Variants in HDAC9 observed in about 807,000 individuals in gnomAD.
HDAC9 encodes the protein histone deacetylase 9.
Under a neutral mutation model 139.4 loss-of-function variants are expected in HDAC9, and 41 were observed. The ratio of observed to expected loss-of-function variants is 0.29; its 90% CI spans 0.23 to 0.38. The LOEUF is 0.38. Among genes scored for constraint, HDAC9 ranks in the 10% least tolerant of loss-of-function variants. The pLI is 1.00. For missense variants in HDAC9, 1,147 were observed against 1,297.0 expected, an observed-to-expected ratio of 0.88 and a Z score of 1.78; for synonymous variants, 517 against 476.2, an observed-to-expected ratio of 1.09 and a Z score of -1.12.
rs1402044427 is a variant in HDAC9 at position 18,666,327 on chromosome 7, A to G, written c.1582A>G (p.Asn528Asp). Residue 528 changes from asparagine (N) to aspartate (D), a missense_variant, in exon 12 of 26, where the codon AAC becomes GAC. Physicochemically the swap from Asn to Asp is conservative, Grantham distance 23. This residue lies in a region of HDAC9 where 256 missense variants were observed against 219.2 expected (regional missense o/e 1.17). Transcript: ENST00000686413. ...GGAAGACAGAGCGCCCTCTAGTGGC[A>G]ACAGCACTAGGAGCGACAGCAGTGC... ...MQEDRAPSSG[N>D]STRSDSSACV... The G allele has an allele frequency of 6.2e-7, 1 of 1,613,350 alleles. No homozygotes were observed. Among genetic ancestry groups the G allele is most frequent in the Non-Finnish European group, 8.5e-7 (1 of 1,179,636 alleles).
At chr7:18,086,932 C>G (rs558511458), upstream of HDAC9, 1 of 145,156 alleles carries the variant, frequency 6.9e-6, no homozygotes, top group African/African-American at 2.5e-5. Flanking sequence ...GCGGCGGCGG[C>G]GCGTCCCGCA....
At chr7:18,099,149 A>G (rs1161540836) in intron 1 of HDAC9, among the ~76,000 whole-genome samples, 1 of 152,140 alleles carries the variant, frequency 6.6e-6, no homozygotes, top group Non-Finnish European at 1.5e-5. Flanking sequence ...TTATAATGAA[A>G]CAGTAGTTTG....
chr7:18,801,348 A>G (rs1420010896), intron 17 of HDAC9, among the ~76,000 whole-genome samples: 5 of 152,030 alleles, frequency 3.3e-5, no homozygotes, highest in South Asian at 2.1e-4. Flanking sequence ...ATAGGTGGCT[A>G]TTGGTATTAT....
Position 18,184,073 on chromosome 7 carries a change from T to A in HDAC9, c.25+21724T>A, listed in dbSNP as rs538094383. ...GGACCAGAAGTTTTTAGATTTTGTA[T>A]TTGTTTGGATTTTGGAATATTTGCA... On this transcript the variant is annotated intron_variant, in intron 2 of 12. Coordinates refer to the HDAC9 transcript ENST00000417496. Among the ~76,000 whole-genome samples the A allele has an allele frequency of 3.3e-5, 5 of 152,288 alleles. No individual in the cohort carries two copies. The South Asian group carries it at 1.0e-3, about 32-fold the overall frequency.
chr7:18,652,681 G>A (rs73683043), intron 11 of HDAC9, among the ~76,000 whole-genome samples: 2,453 of 152,056 alleles, frequency 0.016, 62 homozygotes, highest in African/African-American at 0.056. Flanking sequence ...ATGCCTAGCA[G>A]TTTCTATTTT....
chr7:18,755,316 G>C (rs1788782265), intron 14 of HDAC9, among the ~76,000 whole-genome samples: 1 of 152,122 alleles, frequency 6.6e-6, no homozygotes, highest in Non-Finnish European at 1.5e-5. Flanking sequence ...TAAACAGAAA[G>C]AATTAATGTG....
intron 22 of HDAC9, among the ~76,000 whole-genome samples, chr7:18,933,479 G>T (rs1161750995): frequency 1.3e-5 from 2 of 151,990 alleles, no homozygotes; most frequent in African/African-American, 4.8e-5. Flanking sequence ...AATTATCAAA[G>T]GCTGCCTCTC....
intron 2 of HDAC9, among the ~76,000 whole-genome samples, chr7:18,194,607 T>C (rs1411635552): frequency 2.6e-5 from 4 of 152,206 alleles, no homozygotes; most frequent in African/African-American, 9.6e-5. Flanking sequence ...ACAACACTAG[T>C]AACACTTCTT....
chr7:18,953,087 C>G (rs1252911422), intron 23 of HDAC9, among the ~76,000 whole-genome samples: 1 of 151,912 alleles, frequency 6.6e-6, no homozygotes, highest in Non-Finnish European at 1.5e-5. Context: ...AACTGGTAAT[C>G]CCTGTGTTTT....
intron 2 of HDAC9, among the ~76,000 whole-genome samples, chr7:18,222,859 T>G (rs899871700): frequency 6.6e-6 from 1 of 152,168 alleles, no homozygotes; most frequent in Non-Finnish European, 1.5e-5. Flanking sequence ...TTTTGCACAC[T>G]TCTCTATTTC....
At position 18,732,983 on chromosome 7, in the gene HDAC9, ATG is replaced by A. The variant is rs371360842; in HGVS notation, c.1909+5234_1909+5235del. Among the ~76,000 whole-genome samples, 47 of 143,430 alleles carry A rather than the reference ATG, an allele frequency of 3.3e-4. No homozygotes were observed. The East Asian group carries it at 4.4e-3, about 14-fold the overall frequency. 94.1% of individuals were successfully genotyped at this position (143,430 alleles called of 152,430 possible). On this transcript the variant is annotated intron_variant, in intron 13 of 25. Coordinates refer to ENST00000686413, the MANE Select transcript of HDAC9 (RefSeq NM_178425.4). Reference sequence around the variant, plus strand: ...TGTGTATGTGTATATACACATGTGTATGTGTGTGTATGTGTATATACACATGT... The same window carrying A: ...TGTGTATGTGTATATACACATGTGTATGTGTGTATGTGTATATACACATGT...
chr7:18,187,226 A>C (rs1314194335), intron 2 of HDAC9, among the ~76,000 whole-genome samples: 1 of 152,242 alleles, frequency 6.6e-6, no homozygotes, highest in Non-Finnish European at 1.5e-5. Context: ...ACAAAGTGTT[A>C]CATATAATCT....
intron 1 of HDAC9, among the ~76,000 whole-genome samples, chr7:18,329,555 CAA>C (rs58319995): frequency 3.5e-5 from 4 of 115,426 alleles, no homozygotes; most frequent in Admixed American, 8.9e-5. Context: ...GTCATCTCTC[CAA>C]AAAAAAAAAA....
At chr7:18,170,046 C>T (rs1001723798) in intron 2 of HDAC9, among the ~76,000 whole-genome samples, 2 of 152,238 alleles carry the variant, frequency 1.3e-5, no homozygotes, top group Non-Finnish European at 2.9e-5. Context: ...CTGTCTTCCA[C>T]AATGGTTGAA....
intron 22 of HDAC9, among the ~76,000 whole-genome samples, chr7:18,894,382 C>A (rs1206181513): frequency 6.6e-6 from 1 of 152,022 alleles, no homozygotes; most frequent in African/African-American, 2.4e-5. Flanking sequence ...TTTTCACTGG[C>A]AGAGTGTGCT....
intron 2 of HDAC9, among the ~76,000 whole-genome samples, chr7:18,498,637 T>A (rs2128146021): frequency 6.6e-6 from 1 of 152,224 alleles, no homozygotes; most frequent in East Asian, 1.9e-4. Context: ...AAAGGATGCC[T>A]GGCAGCAGTG....
At chr7:18,799,446 T>G (rs1405780051) in intron 17 of HDAC9, among the ~76,000 whole-genome samples, 1 of 152,192 alleles carries the variant, frequency 6.6e-6, no homozygotes, top group Non-Finnish European at 1.5e-5. Context: ...TGTCCCTGAG[T>G]TAGCTCAGTT....
intron 2 of HDAC9, among the ~76,000 whole-genome samples, chr7:18,499,699 G>A (rs1410611997): frequency 6.6e-6 from 1 of 152,128 alleles, no homozygotes; most frequent in Non-Finnish European, 1.5e-5. Flanking sequence ...ATTTCCTAGA[G>A]TTTGTACAGA....
At chr7:18,432,893 G>T (rs914380375) in intron 1 of HDAC9, among the ~76,000 whole-genome samples, 1 of 151,668 alleles carries the variant, frequency 6.6e-6, no homozygotes, top group Non-Finnish European at 1.5e-5. Context: ...GGAGCTTGCA[G>T]TGAGCCGAGA....
Sources: allele counts gnomAD v4.1 joint callset (sites outside exome capture counted in the v4.1 genomes callset), GRCh38; gene constraint gnomAD v4.1.1; regional missense constraint gnomAD v4.1.1; transcripts MANE v1.5; gene names NCBI Gene and HGNC (gene_info 2026-07-23, HGNC 2026-07-21).